Variants in FOXP2 observed in about 807,000 individuals in gnomAD.
FOXP2 encodes forkhead box P2, also known as forkhead box protein P2.
FOXP2 carries 12 observed loss-of-function variants against 115.8 expected under a neutral mutation model. That is an observed-to-expected ratio of 0.10 (90% CI 0.07 to 0.17). The LOEUF (loss-of-function observed/expected upper bound fraction) is 0.17, where lower values mean the gene tolerates loss of function less well. Among genes scored for constraint, FOXP2 ranks in the 10% least tolerant of loss-of-function variants. FOXP2 has a pLI of 1.00. For missense variants in FOXP2, 629 were observed against 843.5 expected, an observed-to-expected ratio of 0.75 and a Z score of 3.15; for synonymous variants, 328 against 297.7, an observed-to-expected ratio of 1.10 and a Z score of -1.05.
At chr7:114,479,113 C>A (rs897824682) in intron 2 of FOXP2, among the ~76,000 whole-genome samples, 1 of 151,710 alleles carries the variant, frequency 6.6e-6, no homozygotes, top group African/African-American at 2.4e-5. Flanking sequence ...AAAATGGACA[C>A]CAACTCAAAA....
At chr7:114,435,085 T>A (rs28534444) in intron 2 of FOXP2, among the ~76,000 whole-genome samples, 4 of 151,868 alleles carry the variant, frequency 2.6e-5, no homozygotes, top group African/African-American at 9.7e-5. Context: ...GAATGTGGAA[T>A]TTGGAAATTC....
chr7:114,159,420 T>C (rs1168591550), upstream of FOXP2, among the ~76,000 whole-genome samples: 1 of 151,884 alleles, frequency 6.6e-6, no homozygotes, highest in African/African-American at 2.4e-5. Context: ...TTATTAATGT[T>C]GAAAGAATGG....
chr7:114,665,806 A>C (rs1242222056), intron 16 of FOXP2: 1 of 152,156 alleles, frequency 6.6e-6, no homozygotes, highest in Non-Finnish European at 1.5e-5. Context: ...AAAGTGAGCA[A>C]TCAGACAAAA....
At chr7:114,167,160 G>A (rs1191839339) in intron 1 of FOXP2, among the ~76,000 whole-genome samples, 6 of 152,240 alleles carry the variant, frequency 3.9e-5, no homozygotes, top group African/African-American at 1.2e-4. Context: ...ACTTTAACTA[G>A]GGTAACTTGG....
chr7:114,438,733 A>G (rs1227531794), intron 2 of FOXP2, among the ~76,000 whole-genome samples: 1 of 152,104 alleles, frequency 6.6e-6, no homozygotes, highest in Non-Finnish European at 1.5e-5. Context: ...AGTCACAGCT[A>G]GAATAAAAAA....
At chr7:114,337,323 A>G (rs1349771011) in intron 2 of FOXP2, among the ~76,000 whole-genome samples, 2 of 151,408 alleles carry the variant, frequency 1.3e-5, no homozygotes, top group African/African-American at 4.8e-5. Flanking sequence ...GTGAAAGTTT[A>G]GAATTGTCTG....
chr7:114,660,208 A>G (rs1045300445), intron 13 of FOXP2, among the ~76,000 whole-genome samples: 1 of 152,218 alleles, frequency 6.6e-6, no homozygotes, highest in East Asian at 1.9e-4. Flanking sequence ...CTTAGACAAA[A>G]GGGTTCATCT....
chr7:114,421,489 G>T (rs1182888126), intron 1 of FOXP2, among the ~76,000 whole-genome samples: 1 of 151,324 alleles, frequency 6.6e-6, no homozygotes, highest in Admixed American at 6.6e-5. Flanking sequence ...TTGAATGAAA[G>T]TCTGAATTTT....
intron 2 of FOXP2, among the ~76,000 whole-genome samples, chr7:114,302,170 T>C (rs1796893761): frequency 6.6e-6 from 1 of 152,174 alleles, no homozygotes; most frequent in Non-Finnish European, 1.5e-5. Flanking sequence ...TTTTGATCTT[T>C]GTTAACTAAT....
intron 2 of FOXP2, among the ~76,000 whole-genome samples, chr7:114,465,149 G>C (rs1457218476): frequency 5.9e-5 from 9 of 152,092 alleles, no homozygotes; most frequent in Admixed American, 5.9e-4. Context: ...TTTTTAAATA[G>C]AGATGAGGTG....
intron 1 of FOXP2, among the ~76,000 whole-genome samples, chr7:114,249,083 G>C (rs768605047): frequency 9.9e-5 from 15 of 152,166 alleles, no homozygotes; most frequent in Non-Finnish European, 2.1e-4. Flanking sequence ...TATATGTATA[G>C]AATGTCAGAC....
intron 1 of FOXP2, among the ~76,000 whole-genome samples, chr7:114,140,699 C>T (rs1382174388): frequency 2.6e-5 from 4 of 152,114 alleles, no homozygotes; most frequent in African/African-American, 7.2e-5. Context: ...TTACTCATGC[C>T]GCCACACACA....
chr7:114,404,122 T>A, intron 2 of FOXP2, among the ~76,000 whole-genome samples: 1 of 152,024 alleles, frequency 6.6e-6, no homozygotes, highest in Non-Finnish European at 1.5e-5. Context: ...AGAGGTGCAA[T>A]TGGGATGAGT....
At chr7:114,603,766 A>T (rs752803217) in intron 3 of FOXP2, among the ~76,000 whole-genome samples, 20 of 152,332 alleles carry the variant, frequency 1.3e-4, no homozygotes, top group African/African-American at 4.6e-4. Context: ...AAATTTTACC[A>T]TGGAAAAGTA....
chr7:114,580,234 A>G (rs1417507348), intron 3 of FOXP2, among the ~76,000 whole-genome samples: 5 of 152,216 alleles, frequency 3.3e-5, no homozygotes, highest in African/African-American at 7.2e-5. Context: ...AGAAAAACCA[A>G]TCATCGTCAT....
intron 1 of FOXP2, among the ~76,000 whole-genome samples, chr7:114,184,224 T>C (rs1793534142): frequency 1.3e-5 from 2 of 152,094 alleles, no homozygotes; most frequent in Non-Finnish European, 1.5e-5. Flanking sequence ...GAAATGCCCA[T>C]TTCTGAGTTG....
chr7:114,692,313 C>T lies in FOXP2; in HGVS notation c.*2387C>T, dbSNP rs925029243. On this transcript the variant is annotated 3_prime_UTR_variant, in exon 17 of 17. Coordinates refer to ENST00000350908, the MANE Select transcript of FOXP2 (RefSeq NM_014491.4). ...AAGTCTCAGCCACAGAATGCATATACCTGTAGAGTTTTGCATGGGTTTTAT... is the reference window on the plus strand; with the variant it reads ...AAGTCTCAGCCACAGAATGCATATATCTGTAGAGTTTTGCATGGGTTTTAT... 2.2e-6 allele frequency: 1 copy of T among 453,910 alleles called. No individual in the cohort carries two copies. The allele number at this position is 453,910 out of a possible 1,614,324, so 28.1% of individuals were successfully genotyped here. A position where few individuals can be genotyped will look rare whatever the true frequency, so the allele number is the denominator to read the frequency against.
In FOXP2 at chr7:114,534,656, A is replaced by G. The variant is rs775730461; in HGVS notation, c.208A>G (p.Thr70Ala). 1.3e-5 allele frequency: 21 copies of G among 1,612,086 alleles called. No individual in the cohort carries two copies. The highest frequency in any genetic ancestry group is 1.3e-5 in the Non-Finnish European group (15 of 1,178,586). The change falls in exon 3 of 17, where the codon ACA becomes GCA. Residue 70 changes from threonine to alanine, a missense_variant. Physicochemically the swap from Thr to Ala is moderately conservative, Grantham distance 58. Around this residue, in one of 9 missense-constraint regions of FOXP2, gnomAD observed 91 missense variants for 98.3 expected, o/e 0.93. Transcript: ENST00000350908. Reference protein sequence around the residue: ...AARQLLLQQQTSGLKSPKSSD... With the variant: ...AARQLLLQQQASGLKSPKSSD... ...AAGACAACTTCTTTTACAGCAGCAA[A>G]CAAGTGGATTGAAATCTCCTAAGAG...
chr7:114,446,672 C>A (rs1448949237), intron 2 of FOXP2, among the ~76,000 whole-genome samples: 1 of 151,816 alleles, frequency 6.6e-6, no homozygotes, highest in Non-Finnish European at 1.5e-5. Context: ...ATAAAAATTG[C>A]ATTAACAACA....
Sources: gnomAD v4.1 joint callset for allele counts (sites outside exome capture counted in the v4.1 genomes callset) on GRCh38, gnomAD v4.1.1 for gene constraint, gnomAD v4.1.1 regional missense constraint, MANE v1.5 for transcripts, NCBI Gene and HGNC (gene_info 2026-07-23, HGNC 2026-07-21) for gene names.